The following SEMA5A variants were observed in gnomAD, a reference collection of about 807,000 sequenced individuals.
SEMA5A encodes the protein semaphorin-5A.
A neutral mutation model predicts 135.5 loss-of-function variants in SEMA5A; 55 were observed. That is an observed-to-expected ratio of 0.41 (90% CI 0.33 to 0.51). The LOEUF (loss-of-function observed/expected upper bound fraction) is 0.51, where lower values mean the gene tolerates loss of function less well. Among genes scored for constraint, SEMA5A ranks in the 20% least tolerant of loss-of-function variants. The probability of loss-of-function intolerance (pLI) is 0.37; values close to 1 mark genes in which losing one functional copy is unlikely to be tolerated. For missense variants in SEMA5A, 1,290 were observed against 1,419.9 expected (o/e 0.91, Z 1.47); for synonymous variants, 580 against 546.5 (o/e 1.06, Z -0.85).
chr5:9,124,424 A>G (rs1407230214), intron 13 of SEMA5A, among the ~76,000 whole-genome samples: 2 of 152,110 alleles, frequency 1.3e-5, no homozygotes, highest in Admixed American at 1.3e-4. Flanking sequence ...CAGAAAGGCA[A>G]TGGGAAGAAG....
intron 11 of SEMA5A, among the ~76,000 whole-genome samples, chr5:9,174,443 C>T (rs900325360): frequency 6.6e-6 from 1 of 152,170 alleles, no homozygotes; most frequent in African/African-American, 2.4e-5. Context: ...TGGTGAGGTA[C>T]CTTTTCTTCC....
chr5:9,199,465 T>C (rs1454425012), intron 9 of SEMA5A, among the ~76,000 whole-genome samples: 1 of 152,184 alleles, frequency 6.6e-6, no homozygotes, highest in African/African-American at 2.4e-5. Flanking sequence ...AAGTACATAT[T>C]CACTCGCTTC....
chr5:9,505,859 G>A (rs1735855405), intron 1 of SEMA5A, among the ~76,000 whole-genome samples: 1 of 152,178 alleles, frequency 6.6e-6, no homozygotes, highest in Admixed American at 6.5e-5. Context: ...GTGATCAATA[G>A]GAATAGTCTC....
chr5:9,237,889 G>T lies in SEMA5A; in HGVS notation c.272C>A (p.Ala91Asp). 1 of 1,613,294 alleles carries T rather than the reference G, an allele frequency of 6.2e-7. No homozygotes were observed. Among genetic ancestry groups the T allele is most frequent in the Non-Finnish European group, 8.5e-7 (1 of 1,179,512 alleles). The change falls in exon 6 of 23, where the codon GCT becomes GAT. Residue 91 changes from alanine (A) to aspartate (D), a missense_variant and splice_region_variant. By Grantham distance (126) the Ala-to-Asp change is moderately radical. Transcript: ENST00000382496. Reference sequence around the variant, plus strand: ...AGCTTCATCACACTCCCATTCCACAGCCTGTAGAAAACACCAAAACAATAG... The same window carrying T: ...AGCTTCATCACACTCCCATTCCACATCCTGTAGAAAACACCAAAACAATAG... ...LQLEDLSLIQAVEWECDEATK... is the reference protein window; with the variant it reads ...LQLEDLSLIQDVEWECDEATK...
chr5:9,341,981 G>C (rs74332068), intron 3 of SEMA5A, among the ~76,000 whole-genome samples: 3 of 150,978 alleles, frequency 2.0e-5, no homozygotes, highest in African/African-American at 7.3e-5. Context: ...TTCAAGAAAC[G>C]ATTTATTTTA....
At chr5:9,528,010 T>C (rs1309435349) in intron 1 of SEMA5A, among the ~76,000 whole-genome samples, 1 of 152,228 alleles carries the variant, frequency 6.6e-6, no homozygotes, top group Non-Finnish European at 1.5e-5. Flanking sequence ...AATTTGTAAA[T>C]ATGACATTTG....
chr5:9,045,817 A>T (rs1561097020), intron 21 of SEMA5A: 1 of 152,238 alleles, frequency 6.6e-6, no homozygotes, highest in Non-Finnish European at 1.5e-5. Flanking sequence ...ATGAATACAA[A>T]GCATTCAGAA....
intron 1 of SEMA5A, among the ~76,000 whole-genome samples, chr5:9,476,100 A>G (rs924023465): frequency 2.6e-5 from 4 of 152,342 alleles, no homozygotes; most frequent in Middle Eastern, 3.4e-3. Flanking sequence ...GCAAAAATAG[A>G]TACATCATTC....
chr5:9,467,560 GC>G (rs1446749101), intron 1 of SEMA5A, among the ~76,000 whole-genome samples: 3 of 152,332 alleles, frequency 2.0e-5, no homozygotes, highest in African/African-American at 7.2e-5. Context: ...GAACACCTCA[GC>G]TGGCCAAGTG....
intron 1 of SEMA5A, among the ~76,000 whole-genome samples, chr5:9,445,886 G>C (rs1179678408): frequency 6.6e-6 from 1 of 152,160 alleles, no homozygotes; most frequent in Non-Finnish European, 1.5e-5. Context: ...GTACAGAAGA[G>C]CAGGCACTTC....
At chr5:9,354,162 G>A (rs369009056) in intron 3 of SEMA5A, among the ~76,000 whole-genome samples, 1 of 152,200 alleles carries the variant, frequency 6.6e-6, no homozygotes, top group African/African-American at 2.4e-5. Context: ...CATTGGCTTT[G>A]CCCTTTTTGG....
chr5:9,303,857 T>C (rs1452223248), intron 5 of SEMA5A, among the ~76,000 whole-genome samples: 1 of 152,194 alleles, frequency 6.6e-6, no homozygotes, highest in East Asian at 1.9e-4. Flanking sequence ...AAAAATAACA[T>C]ATTTTGAAAT....
intron 16 of SEMA5A, 131 bp from the exon 17 acceptor site, chr5:9,066,777 C>A: frequency 1.4e-6 from 1 of 702,704 alleles, no homozygotes; most frequent in Non-Finnish European, 2.4e-6. Flanking sequence ...GCTACTCTAC[C>A]AAACTAAAAA....
intron 1 of SEMA5A, among the ~76,000 whole-genome samples, chr5:9,515,226 G>T (rs1051691941): frequency 5.9e-5 from 9 of 152,136 alleles, no homozygotes; most frequent in Admixed American, 2.0e-4. Context: ...AGCATGGTAA[G>T]AGAGTGTCCA....
chr5:9,540,063 T>C (rs1209078920), intron 1 of SEMA5A, among the ~76,000 whole-genome samples: 2 of 152,224 alleles, frequency 1.3e-5, no homozygotes, highest in Non-Finnish European at 1.5e-5. Flanking sequence ...CTTAGTCCTT[T>C]CTCTCAGTAT....
chr5:9,265,159 C>T (rs1329481250), intron 5 of SEMA5A, among the ~76,000 whole-genome samples: 2 of 152,074 alleles, frequency 1.3e-5, no homozygotes, highest in East Asian at 1.9e-4. Context: ...CAAACCACCG[C>T]GAGACATTTT....
chr5:9,362,846 A>AT (rs1315371825), intron 3 of SEMA5A, among the ~76,000 whole-genome samples: 4 of 152,230 alleles, frequency 2.6e-5, no homozygotes, highest in Admixed American at 2.6e-4. Context: ...TACAAGTTTC[A>AT]TTTTTTTATG....
intron 4 of SEMA5A, among the ~76,000 whole-genome samples, chr5:9,321,434 T>C (rs1270041170): frequency 6.6e-6 from 1 of 152,154 alleles, no homozygotes; most frequent in Admixed American, 6.5e-5. Context: ...AGGCTGCCCC[T>C]CTGCTATGGG....
At chr5:9,163,201 A>G (rs1001371170) in intron 11 of SEMA5A, among the ~76,000 whole-genome samples, 3 of 151,998 alleles carry the variant, frequency 2.0e-5, no homozygotes, top group Non-Finnish European at 1.5e-5. Context: ...TCCCATTTCT[A>G]TGGGCTCATG....
Sources: gnomAD v4.1 joint callset for allele counts (sites outside exome capture counted in the v4.1 genomes callset) on GRCh38, gnomAD v4.1.1 for gene constraint, MANE v1.5 for transcripts, NCBI Gene and HGNC (gene_info 2026-07-23, HGNC 2026-07-21) for gene names.